HNF1B: variants seen among roughly 807,000 people sequenced by gnomAD.
HNF1B encodes the protein HNF1 homeobox B, also known as hepatocyte nuclear factor 1-beta.
HNF1B carries 8 observed loss-of-function variants against 61.7 expected under a neutral mutation model. The observed-to-expected ratio is 0.13, with a 90% CI of 0.08 to 0.23. The LOEUF (loss-of-function observed/expected upper bound fraction) is 0.23, where lower values mean the gene tolerates loss of function less well. HNF1B is among the 10% of genes least tolerant of loss of function. HNF1B has a pLI of 1.00. For missense variants in HNF1B, 562 were observed against 714.5 expected (o/e 0.79, Z 2.43); for synonymous variants, 314 against 287.7 (o/e 1.09, Z -0.93).
chr17:37,725,284 G>A (rs756660366), intron 4 of HNF1B, among the ~76,000 whole-genome samples: 32 of 152,262 alleles, frequency 2.1e-4, no homozygotes, highest in Non-Finnish European at 4.1e-4. Context: ...TCCTTCAGGC[G>A]GATTAGGCAT....
chr17:37,722,597 G>A (rs562583346), intron 4 of HNF1B, among the ~76,000 whole-genome samples: 7 of 152,336 alleles, frequency 4.6e-5, no homozygotes, highest in African/African-American at 1.4e-4. Flanking sequence ...CATCTGCAAG[G>A]TGTTTCTCCA....
intron 4 of HNF1B, chr17:37,720,724 G>A: frequency 2.2e-6 from 2 of 929,028 alleles, no homozygotes; most frequent in South Asian, 5.0e-5. Context: ...ACACAATGAT[G>A]AAGAAAGCTA....
Position 37,712,343 on chromosome 17 carries a change from C to A in HNF1B, c.1046-1680G>T, listed in dbSNP as rs1255913424. On this transcript the variant is annotated intron_variant, in intron 4 of 8. Coordinates refer to ENST00000617811, the MANE Select transcript of HNF1B (RefSeq NM_000458.4). ...AAAGGAGGAACAGCGTTCAGCTCCC[C>A]AAGTCAACAGCCGGTGCCCAGGCCC... Among the ~76,000 whole-genome samples the A allele has an allele frequency of 2.6e-5, 4 of 152,114 alleles. No individual in the cohort carries two copies. In the South Asian group the frequency reaches 6.2e-4, roughly 24 times the overall value.
At chr17:37,707,379 T>G (rs2032785682) in intron 5 of HNF1B, among the ~76,000 whole-genome samples, 1 of 152,116 alleles carries the variant, frequency 6.6e-6, no homozygotes, top group Non-Finnish European at 1.5e-5. Context: ...CCTCCCAAAA[T>G]AGTGGAATTA....
intron 8 of HNF1B, among the ~76,000 whole-genome samples, chr17:37,696,514 C>T (rs576002060): frequency 2.0e-5 from 3 of 152,274 alleles, no homozygotes; most frequent in South Asian, 4.1e-4. Flanking sequence ...ACACTCTCAC[C>T]ACGTGATGCA....
In HNF1B at chr17:37,704,911, A is replaced by C; in HGVS notation, c.1339+6T>G. The C allele has an allele frequency of 6.2e-7, 1 of 1,614,082 alleles. No individual in the cohort carries two copies. The highest frequency in any genetic ancestry group is 8.5e-7 in the Non-Finnish European group (1 of 1,179,992). On this transcript the variant is annotated splice_donor_region_variant and intron_variant, in intron 6 of 8. Coordinates refer to ENST00000617811, the MANE Select transcript of HNF1B (RefSeq NM_000458.4). ...CCCAAGTTTTCCAACCAAGAATAGA[A>C]CTTACTTTGTGCAATTGCCATGACT...
chr17:37,744,452 G>T, intron 1 of HNF1B, 89 bp downstream of exon 1: 1 of 1,350,782 alleles, frequency 7.4e-7, no homozygotes, highest in African/African-American at 1.4e-5. Flanking sequence ...AACGGGCTTG[G>T]CGAGTGTGGT....
chr17:37,709,695 GACA>G (rs933051702), intron 5 of HNF1B, among the ~76,000 whole-genome samples: 28 of 152,104 alleles, frequency 1.8e-4, no homozygotes, highest in African/African-American at 5.8e-4. Flanking sequence ...ACATTTACAC[GACA>G]ACAACAACAA....
rs1408952432 is a variant in HNF1B at position 37,739,770 on chromosome 17, G to C, written c.345-131C>G. On this transcript the variant is annotated intron_variant, in intron 1 of 8. Transcript: ENST00000617811. ...CCCCCCATCTAAGCTACAACTTTGG[G>C]GTAGACATGAGGCCAAAATGGAAGC... The C allele has an allele frequency of 1.9e-5, 17 of 893,956 alleles. No individual in the cohort carries two copies. The Admixed American group carries it at 3.2e-4, about 17-fold the overall frequency. The allele number at this position is 893,956 out of a possible 1,614,324, so 55.4% of individuals were successfully genotyped here.
chr17:37,721,636 G>A (rs888811246), intron 4 of HNF1B, among the ~76,000 whole-genome samples: 3 of 151,844 alleles, frequency 2.0e-5, no homozygotes, highest in African/African-American at 4.8e-5. Flanking sequence ...GGGCCATGAG[G>A]ATTACCTTCA....
At chr17:37,732,352 C>T (rs1598841700) in intron 3 of HNF1B, among the ~76,000 whole-genome samples, 1 of 152,136 alleles carries the variant, frequency 6.6e-6, no homozygotes, top group African/African-American at 2.4e-5. Flanking sequence ...ATTGAGATGG[C>T]CAGTCTCTAG....
intron 2 of HNF1B, among the ~76,000 whole-genome samples, chr17:37,738,738 A>G (rs192546330): frequency 2.0e-5 from 3 of 152,356 alleles, no homozygotes; most frequent in Admixed American, 2.0e-4. Flanking sequence ...CAGAAAAAAA[A>G]CTTTGGGATG....
intron 8 of HNF1B, among the ~76,000 whole-genome samples, chr17:37,692,783 C>T (rs1425006507): frequency 1.3e-5 from 2 of 152,080 alleles, no homozygotes; most frequent in East Asian, 1.9e-4. Flanking sequence ...AACAGGGATC[C>T]GGAGCCCAGG....
In HNF1B at chr17:37,718,766, T is replaced by C. The variant is rs534021366; in HGVS notation, c.1046-8103A>G. 9.2e-4 allele frequency among the ~76,000 whole-genome samples: 140 copies of C among 152,362 alleles called. No individual in the cohort carries two copies. The Middle Eastern group carries it at 0.01, about 11-fold the overall frequency. On this transcript the variant is annotated intron_variant, in intron 4 of 8. Transcript: ENST00000617811. ...TTGTCTGTATTCTCCATTTTCTTCT[T>C]GGCAGAGTCATGCTAAGCATTCAGT...
chr17:37,710,546 C>G lies in HNF1B; in HGVS notation c.1163G>C (p.Ser388Thr). 1 of 1,614,188 alleles carries G rather than the reference C, an allele frequency of 6.2e-7. No homozygotes were observed. ...GAGGAGATTGTGGCCTGGGTCCAGG[C>G]TGGCTGGGGAGACTTGCTGTAAAAC... is the stretch of plus-strand genomic sequence containing the variant. ...QSVLQQVSPA[S>T]LDPGHNLLSP... Residue 388 changes from serine (S) to threonine (T), a missense_variant, in exon 5 of 9, where the codon AGC becomes ACC. Around this residue, in one of 6 missense-constraint regions of HNF1B, gnomAD observed 211 missense variants for 200.7 expected, o/e 1.05. Coordinates refer to ENST00000617811, the MANE Select transcript of HNF1B (RefSeq NM_000458.4).
rs148713761 is a variant in HNF1B, at chr17:37,733,709, G to A, written c.657C>T (p.Ser219=). The change falls in exon 3 of 9, where the codon TCC becomes TCT. Residue 219 remains serine, a synonymous_variant. Transcript: ENST00000617811. The part of the protein sequence containing the change: ...FSQQSHGPGQ[S]DDACSEPTNK... ...TGGTGGGCTCAGAGCAGGCATCATC[G>A]GACTGCCCAGGCCCATGGCTCTGTT... 1.9e-4 allele frequency: 311 copies of A among 1,614,118 alleles called. 1 individual carries two copies. The highest frequency in any genetic ancestry group is 1.8e-3 in the Middle Eastern group (11 of 6,062).
At chr17:37,723,483 A>G (rs909343308) in intron 4 of HNF1B, among the ~76,000 whole-genome samples, 1 of 152,138 alleles carries the variant, frequency 6.6e-6, no homozygotes, top group South Asian at 2.1e-4. Flanking sequence ...GCCCCCACCA[A>G]TCCATGGTCT....
At chr17:37,719,681 G>A (rs947083327) in intron 4 of HNF1B, among the ~76,000 whole-genome samples, 1 of 152,292 alleles carries the variant, frequency 6.6e-6, no homozygotes. Flanking sequence ...AGTGGGTCTG[G>A]GCAAAGGGAG....
intron 2 of HNF1B, among the ~76,000 whole-genome samples, chr17:37,737,671 CA>C (rs71759311): frequency 1.5e-3 from 212 of 142,728 alleles, no homozygotes; most frequent in Admixed American, 2.0e-3. Flanking sequence ...CTAAAAATAC[CA>C]AAAAAAAAAA....
Sources: allele counts gnomAD v4.1 joint callset (sites outside exome capture counted in the v4.1 genomes callset), GRCh38; gene constraint gnomAD v4.1.1; regional missense constraint gnomAD v4.1.1; transcripts MANE v1.5; gene names NCBI Gene and HGNC (gene_info 2026-07-23, HGNC 2026-07-21).